The following PRR16 variants were observed in gnomAD, a reference collection of about 807,000 sequenced individuals.
PRR16 encodes the protein proline rich 16.
Under a neutral mutation model 18.2 loss-of-function variants are expected in PRR16, and 6 were observed. The ratio of observed to expected loss-of-function variants is 0.33; its 90% CI spans 0.18 to 0.65. The LOEUF is 0.65. PRR16 is among the 30% of genes least tolerant of loss of function. PRR16 has a pLI of 0.74. For missense variants in PRR16, 412 were observed against 376.6 expected (o/e 1.09, Z -0.78); for synonymous variants, 151 against 147.8 (o/e 1.02, Z -0.16).
At chr5:120,774,775 G>A in the PRR16 span, among the ~76,000 whole-genome samples, 1 of 152,042 alleles carries the variant, frequency 6.6e-6, no homozygotes, top group African/African-American at 2.4e-5. Flanking sequence ...ATTAAGCTAA[G>A]GTCCCTGCAA....
At chr5:120,764,152 AAGCTTTC>A in the PRR16 span, among the ~76,000 whole-genome samples, 21,767 of 151,956 alleles carry the variant, frequency 0.14, 2,269 homozygotes, top group African/African-American at 0.3. Flanking sequence ...CTTAGAGGAA[AAGCTTTC>A]AGCTTTCCCT....
At chr5:120,529,428 G>T (rs1355292034) in intron 1 of PRR16, among the ~76,000 whole-genome samples, 1 of 152,068 alleles carries the variant, frequency 6.6e-6, no homozygotes, top group Non-Finnish European at 1.5e-5. Context: ...AATAATTTAT[G>T]CTGTGTCTTT....
At chr5:120,755,129 A>G in the PRR16 span, among the ~76,000 whole-genome samples, 1 of 152,018 alleles carries the variant, frequency 6.6e-6, no homozygotes, top group East Asian at 1.9e-4. Context: ...AACATGGCAC[A>G]TGGATACATA....
chr5:120,514,595 A>G (rs1320624446), intron 1 of PRR16, among the ~76,000 whole-genome samples: 1 of 152,198 alleles, frequency 6.6e-6, no homozygotes, highest in Non-Finnish European at 1.5e-5. Context: ...CTAGCTCTTA[A>G]GTCTTAAGTT....
intron 1 of PRR16, among the ~76,000 whole-genome samples, chr5:120,681,573 C>T (rs991411623): frequency 2.0e-5 from 3 of 152,096 alleles, no homozygotes; most frequent in African/African-American, 4.8e-5. Context: ...CTTTGTTTAT[C>T]TATGCTTCTT....
chr5:120,769,090 A>ATTT, the PRR16 span, among the ~76,000 whole-genome samples: 3 of 149,324 alleles, frequency 2.0e-5, no homozygotes, highest in East Asian at 5.9e-4. Context: ...TCATGCCTTT[A>ATTT]TTTTTTTTTT....
chr5:120,754,004 A>G, the PRR16 span, among the ~76,000 whole-genome samples: 1 of 126,968 alleles, frequency 7.9e-6, no homozygotes, highest in South Asian at 2.2e-4. Flanking sequence ...TATAATATAT[A>G]TATTATATAA....
chr5:120,585,084 A>ATTG (rs1753396338), intron 1 of PRR16, among the ~76,000 whole-genome samples: 1 of 152,232 alleles, frequency 6.6e-6, no homozygotes, highest in Non-Finnish European at 1.5e-5. Context: ...GAAAGACTCA[A>ATTG]TTGTTAAAAC....
intron 1 of PRR16, among the ~76,000 whole-genome samples, chr5:120,500,389 C>T (rs527806277): frequency 1.2e-4 from 18 of 152,162 alleles, no homozygotes; most frequent in African/African-American, 4.3e-4. Context: ...AGTGTCTTAT[C>T]TTAGTGTGAT....
chr5:120,708,838 G>A, the PRR16 span, among the ~76,000 whole-genome samples: 1 of 152,000 alleles, frequency 6.6e-6, no homozygotes, highest in Non-Finnish European at 1.5e-5. Context: ...TTAGCACTTG[G>A]TTATACTGGA....
At chr5:120,629,066 G>A (rs960319034) in intron 1 of PRR16, among the ~76,000 whole-genome samples, 2 of 151,890 alleles carry the variant, frequency 1.3e-5, no homozygotes, top group Non-Finnish European at 2.9e-5. Context: ...CTCAGTGTCT[G>A]TTGTTCCTTC....
chr5:120,525,530 T>C (rs1164312455), intron 1 of PRR16, among the ~76,000 whole-genome samples: 1 of 151,372 alleles, frequency 6.6e-6, no homozygotes. Flanking sequence ...TACTGATCAG[T>C]TCCACAGACT....
chr5:120,777,076 A>G, the PRR16 span, among the ~76,000 whole-genome samples: 9 of 152,048 alleles, frequency 5.9e-5, no homozygotes, highest in African/African-American at 9.7e-5. Context: ...TTGGTCCCCA[A>G]GCTCTTGGTT....
rs78558778 is a variant in PRR16 at position 120,641,627 on chromosome 5, T to C, written c.160-44327T>C. 8.7e-3 allele frequency among the ~76,000 whole-genome samples: 1,318 copies of C among 152,172 alleles called. 6 individuals carry two copies. Among genetic ancestry groups the C allele is most frequent in the South Asian group, 0.029 (139 of 4,824 alleles). On this transcript the variant is annotated intron_variant, in intron 1 of 1. Coordinates refer to ENST00000407149, the MANE Select transcript of PRR16 (RefSeq NM_001300783.2). ...CCTATGCCTACAGGGAGACACCCTC[T>C]CAACTGCCCTTGACTACCTTGGGCT...
the PRR16 span, among the ~76,000 whole-genome samples, chr5:120,746,524 C>T: frequency 6.6e-5 from 10 of 151,986 alleles, no homozygotes; most frequent in African/African-American, 2.4e-4. Context: ...AATATTTTTC[C>T]ATAATTTATC....
intron 1 of PRR16, among the ~76,000 whole-genome samples, chr5:120,507,830 T>C (rs2112852477): frequency 6.6e-6 from 1 of 152,188 alleles, no homozygotes; most frequent in East Asian, 1.9e-4. Flanking sequence ...AGAATCAATG[T>C]AAACTTTCTA....
intron 1 of PRR16, among the ~76,000 whole-genome samples, chr5:120,522,704 C>T (rs184200190): frequency 6.6e-6 from 1 of 152,276 alleles, no homozygotes; most frequent in East Asian, 1.9e-4. Context: ...CTCCCAGATT[C>T]ACACCATTCT....
chr5:120,698,125 GAC>G, the PRR16 span, among the ~76,000 whole-genome samples: 4 of 152,206 alleles, frequency 2.6e-5, no homozygotes, highest in East Asian at 7.8e-4. Flanking sequence ...GGTATGGAGA[GAC>G]AGAGAATGGC....
chr5:120,597,143 A>G (rs1223374509), intron 1 of PRR16, among the ~76,000 whole-genome samples: 2 of 151,584 alleles, frequency 1.3e-5, no homozygotes, highest in Non-Finnish European at 3.0e-5. Context: ...TTACTGGATC[A>G]TCTCTCTTTT....
Sources: allele counts gnomAD v4.1 joint callset (sites outside exome capture counted in the v4.1 genomes callset), GRCh38; gene constraint gnomAD v4.1.1; transcripts MANE v1.5; gene names NCBI Gene and HGNC (gene_info 2026-07-23, HGNC 2026-07-21).